The following IL1RAPL2 variants were observed in gnomAD, a reference collection of about 807,000 sequenced individuals.
The protein encoded by IL1RAPL2 is interleukin 1 receptor accessory protein like 2, also known as X-linked interleukin-1 receptor accessory protein-like 2.
A neutral mutation model predicts 44.1 loss-of-function variants in IL1RAPL2; 3 were observed. The observed-to-expected ratio is 0.07, with a 90% CI of 0.03 to 0.18. The LOEUF (loss-of-function observed/expected upper bound fraction) is 0.18. Ranked by LOEUF, IL1RAPL2 falls within the 10% of genes least tolerant of loss-of-function variation. The pLI is 1.00. For synonymous variants in IL1RAPL2, 181 were observed against 178.8 expected (o/e 1.01, Z -0.10); for missense variants, 391 against 496.4 (o/e 0.79, Z 2.02).
chrX:105,571,303 C>A (rs974340338), intron 6 of IL1RAPL2, among the ~76,000 whole-genome samples: 2 of 111,307 alleles, frequency 1.8e-5, no homozygotes, highest in Non-Finnish European at 3.8e-5. Context: ...AATTATAAGT[C>A]TTTTTGATAG....
At chrX:104,998,578 A>G (rs1299279435) in intron 2 of IL1RAPL2, among the ~76,000 whole-genome samples, 1 of 110,617 alleles carries the variant, frequency 9.0e-6, no homozygotes, top group Non-Finnish European at 1.9e-5. Flanking sequence ...CTTCGAGACC[A>G]TCCTGGGAAA....
chrX:104,585,345 A>ATATAATATATAT (rs1928524315), intron 1 of IL1RAPL2, among the ~76,000 whole-genome samples: 1 of 11,986 alleles, frequency 8.3e-5, no homozygotes, highest in African/African-American at 9.1e-4. Context: ...ATTATATATT[A>ATATAATATATAT]TATATATTAT....
At chrX:105,613,849 T>G (rs919161897) in intron 6 of IL1RAPL2, among the ~76,000 whole-genome samples, 1 of 111,039 alleles carries the variant, frequency 9.0e-6, no homozygotes, top group African/African-American at 3.3e-5. Flanking sequence ...CTTCTGAGGT[T>G]TTTTACTCCG....
chrX:105,204,324 G>A lies in IL1RAPL2; in HGVS notation c.356+8576G>A, dbSNP rs782739115. On this transcript the variant is annotated intron_variant, in intron 3 of 10. Transcript: ENST00000372582. ...TATAGGGGTCCTTATTGCTAGCTAC[G>A]GTGTACTGAAATAGGTATTCTATCA... Among the ~76,000 whole-genome samples, 234 of 111,069 alleles carry A rather than the reference G, an allele frequency of 2.1e-3. 2 individuals carry two copies. The highest frequency in any genetic ancestry group is 3.8e-3 in the Non-Finnish European group (202 of 52,929).
chrX:104,921,235 TC>T (rs1218120926), intron 2 of IL1RAPL2, among the ~76,000 whole-genome samples: 1 of 108,328 alleles, frequency 9.2e-6, no homozygotes, highest in African/African-American at 3.4e-5. Context: ...GACTCTGAGC[TC>T]CCCCACCCCC....
At chrX:105,271,715 C>T (rs926330579) in intron 5 of IL1RAPL2, among the ~76,000 whole-genome samples, 6 of 110,313 alleles carry the variant, frequency 5.4e-5, no homozygotes, top group South Asian at 4.0e-4. Context: ...TTTATTTCCT[C>T]GAGCAGTGGT....
intron 2 of IL1RAPL2, among the ~76,000 whole-genome samples, chrX:104,839,038 G>A (rs1314422693): frequency 9.4e-6 from 1 of 106,732 alleles, no homozygotes; most frequent in East Asian, 3.0e-4. Context: ...TATTAGAGAT[G>A]GGCTTTCATC....
At chrX:105,298,833 G>T (rs971996461) in intron 5 of IL1RAPL2, among the ~76,000 whole-genome samples, 3 of 111,327 alleles carry the variant, frequency 2.7e-5, no homozygotes, top group Non-Finnish European at 3.8e-5. Context: ...ACTGTTTTGA[G>T]TTGAAGGAAG....
intron 1 of IL1RAPL2, among the ~76,000 whole-genome samples, chrX:104,567,350 C>T (rs1295976650): frequency 1.8e-5 from 2 of 112,851 alleles, no homozygotes; most frequent in African/African-American, 3.2e-5. Context: ...ATGCTCTCTG[C>T]GGCTGGCGCG....
chrX:105,073,291 G>A (rs1282372725), intron 2 of IL1RAPL2, among the ~76,000 whole-genome samples: 10 of 95,118 alleles, frequency 1.1e-4, no homozygotes, highest in Admixed American at 3.8e-4. Flanking sequence ...GAGAACATGC[G>A]GTGTTTGGTT....
Position 104,827,573 on chromosome X carries a change from C to T in IL1RAPL2, c.82+168578C>T, listed in dbSNP as rs951483681. On this transcript the variant is annotated intron_variant, in intron 2 of 10. Transcript: ENST00000372582. ...GCTCTTAACATTTTTTCCTTCATTT[C>T]GACCTTGGTGAATCTGACAATTATG... 1.4e-4 allele frequency among the ~76,000 whole-genome samples: 16 copies of T among 110,999 alleles called. 1 individual carries two copies. The Middle Eastern group carries it at 0.019, about 130-fold the overall frequency.
chrX:104,724,623 C>A (rs1377986783), intron 2 of IL1RAPL2, among the ~76,000 whole-genome samples: 1 of 110,635 alleles, frequency 9.0e-6, no homozygotes, highest in Non-Finnish European at 1.9e-5. Flanking sequence ...ACTGGAGAGC[C>A]CCAAAGAAAA....
intron 5 of IL1RAPL2, among the ~76,000 whole-genome samples, chrX:105,307,264 CA>C (rs199872209): frequency 1.1e-4 from 10 of 95,012 alleles, no homozygotes; most frequent in Non-Finnish European, 1.4e-4. Context: ...ACATCTCTCC[CA>C]AAAAAAAAAT....
At chrX:105,616,215 G>GC (rs2147829058) in intron 6 of IL1RAPL2, among the ~76,000 whole-genome samples, 1 of 111,847 alleles carries the variant, frequency 8.9e-6, no homozygotes, top group African/African-American at 3.2e-5. Flanking sequence ...TAATATGCAT[G>GC]AGCAAGAGTG....
intron 1 of IL1RAPL2, among the ~76,000 whole-genome samples, chrX:104,651,515 A>T (rs1267958289): frequency 2.7e-5 from 3 of 111,822 alleles, no homozygotes; most frequent in African/African-American, 9.7e-5. Context: ...TATAAAAATG[A>T]TATTTGATTT....
Position 104,639,945 on chromosome X carries a change from A to G in IL1RAPL2, c.-19-18950A>G, listed in dbSNP as rs182367699. Reference sequence around the variant, plus strand: ...CTTTTCTTTGAGTTTTGGCAGTTTCACTATAATGTGCTATGGAGAAGACCT... The same window carrying G: ...CTTTTCTTTGAGTTTTGGCAGTTTCGCTATAATGTGCTATGGAGAAGACCT... On this transcript the variant is annotated intron_variant, in intron 1 of 10. Coordinates refer to ENST00000372582, the MANE Select transcript of IL1RAPL2 (RefSeq NM_017416.2). 4.8e-3 allele frequency among the ~76,000 whole-genome samples: 532 copies of G among 111,658 alleles called. 2 individuals are homozygous for G. The highest frequency in any genetic ancestry group is 0.016 in the African/African-American group (503 of 30,794).
intron 2 of IL1RAPL2, among the ~76,000 whole-genome samples, chrX:104,668,682 A>ATT (rs35941481): frequency 0.064 from 6,494 of 101,933 alleles, 436 homozygotes; most frequent in African/African-American, 0.19. Context: ...GGAATTAATG[A>ATT]TTTTTTTTTT....
chrX:105,102,704 C>T (rs977471789), intron 2 of IL1RAPL2, among the ~76,000 whole-genome samples: 2 of 111,583 alleles, frequency 1.8e-5, no homozygotes, highest in African/African-American at 6.5e-5. Context: ...TATTGGTTCT[C>T]ATTATTATGG....
At chrX:105,421,131 C>A (rs2035771282) in intron 5 of IL1RAPL2, among the ~76,000 whole-genome samples, 1 of 111,653 alleles carries the variant, frequency 9.0e-6, no homozygotes, top group African/African-American at 3.3e-5. Context: ...AGACATCAAT[C>A]AACATATGCA....
Sources: gnomAD v4.1 joint callset for allele counts (sites outside exome capture counted in the v4.1 genomes callset) on GRCh38, gnomAD v4.1.1 for gene constraint, MANE v1.5 for transcripts, NCBI Gene and HGNC (gene_info 2026-07-23, HGNC 2026-07-21) for gene names.